CLCA1: variants seen among roughly 807,000 people sequenced by gnomAD.
CLCA1 encodes chloride channel accessory 1.
A neutral mutation model predicts 85.6 loss-of-function variants in CLCA1; 59 were observed. The observed-to-expected ratio is 0.69, with a 90% CI of 0.56 to 0.86. CLCA1 has a LOEUF of 0.86. CLCA1 is among the 40% of genes least tolerant of loss of function. The pLI, the probability that CLCA1 is intolerant of heterozygous loss-of-function variation, is 0.00. For synonymous variants in CLCA1, 396 were observed against 398.3 expected, an observed-to-expected ratio of 0.99 and a Z score of 0.07; for missense variants, 1,022 against 1,101.4, an observed-to-expected ratio of 0.93 and a Z score of 1.02.
rs5744410 is a variant in CLCA1 at position 86,495,563 on chromosome 1, G to A, written c.2001G>A (p.Thr667=). ...VYSRYFTTYD[T]NGRYSVKVRA... Reference sequence around the variant, plus strand: ...CAAGGTATTTCACAACTTATGACACGAATGGTAGATACAGTGTAAAAGTGC... The same window carrying A: ...CAAGGTATTTCACAACTTATGACACAAATGGTAGATACAGTGTAAAAGTGC... Residue 667 remains threonine, a synonymous_variant, in exon 12 of 14, where the codon ACG becomes ACA. Coordinates refer to ENST00000394711, the MANE Select transcript of CLCA1 (RefSeq NM_001285.4). 4 of 1,613,870 alleles carry A rather than the reference G, an allele frequency of 2.5e-6. No individual in the cohort carries two copies. The highest frequency in any genetic ancestry group is 1.3e-5 in the African/African-American group (1 of 74,914).
At chr1:86,481,821 A>C (rs1322951954) in intron 4 of CLCA1, among the ~76,000 whole-genome samples, 14 of 152,014 alleles carry the variant, frequency 9.2e-5, no homozygotes, top group Admixed American at 9.2e-4. Context: ...TAAACTAATC[A>C]GAAAACAAAC....
intron 8 of CLCA1, among the ~76,000 whole-genome samples, chr1:86,490,391 T>C (rs1262286843): frequency 6.6e-6 from 1 of 152,200 alleles, no homozygotes; most frequent in African/African-American, 2.4e-5. Flanking sequence ...ATCAACTAAC[T>C]TAGTGACACC....
chr1:86,492,853 A>G (rs1417804452), intron 9 of CLCA1, among the ~76,000 whole-genome samples: 1 of 152,236 alleles, frequency 6.6e-6, no homozygotes, highest in Non-Finnish European at 1.5e-5. Context: ...ATAGTCTAAT[A>G]AATAAGATGA....
At position 86,494,438 on chromosome 1, in the gene CLCA1, T is replaced by G; in HGVS notation, c.1932T>G (p.Asp644Glu). Residue 644 changes from aspartate (D) to glutamate (E), a missense_variant, in exon 11 of 14, where the codon GAT (aspartate) becomes GAG (glutamate). By Grantham distance (45) the Asp-to-Glu change is conservative. Transcript: ENST00000394711. ...AAACAGTTACCTTGGAACTACTGGA[T>G]AATGGAGCAGGTAATCACCCAAGAA... ...NGKTVTLELL[D>E]NGAGADATKD... 1 of 1,613,966 alleles carries G rather than the reference T, an allele frequency of 6.2e-7. No homozygotes were observed. Among genetic ancestry groups the G allele is most frequent in the Non-Finnish European group, 8.5e-7 (1 of 1,179,834 alleles).
chr1:86,495,638 G>A lies in CLCA1; in HGVS notation c.2076G>A (p.Gln692=), dbSNP rs751967572. The change falls in exon 12 of 14, where the codon CAG becomes CAA. Residue 692 remains glutamine, a synonymous_variant. Coordinates refer to ENST00000394711, the MANE Select transcript of CLCA1 (RefSeq NM_001285.4). ...NAARRRVIPQ[Q]SGALYIPGWI... ...CCAGACGGAGAGTGATACCCCAGCA[G>A]AGTGGAGCACTGTACATACCTGGCT... The A allele has an allele frequency of 1.2e-6, 2 of 1,614,164 alleles. No individual in the cohort carries two copies. Among genetic ancestry groups the A allele is most frequent in the Non-Finnish European group, 1.7e-6 (2 of 1,180,006 alleles).
chr1:86,482,343 G>C lies in CLCA1; in HGVS notation c.696G>C (p.Thr232=). 2 of 1,614,090 alleles carry C rather than the reference G, an allele frequency of 1.2e-6. No individual in the cohort carries two copies. Among genetic ancestry groups the C allele is most frequent in the Non-Finnish European group, 1.7e-6 (2 of 1,179,982 alleles). ...GCEFVLQSRQ[T]EKASIMFAQH... ...AGTTTGTTCTCCAATCCCGCCAGAC[G>C]GAGAAGGCTTCTATAATGTTTGCAC... The change falls in exon 5 of 14, where the codon ACG becomes ACC. Residue 232 remains threonine (T), a synonymous_variant. Coordinates refer to ENST00000394711, the MANE Select transcript of CLCA1 (RefSeq NM_001285.4).
rs373599069 is a variant in CLCA1, at chr1:86,485,448, G to A, written c.841G>A (p.Asp281Asn). 1.7e-5 allele frequency: 27 copies of A among 1,613,994 alleles called. No individual in the cohort carries two copies. Among genetic ancestry groups the A allele is most frequent in the Non-Finnish European group, 2.2e-5 (26 of 1,180,014 alleles). ...STWEVIRDSE[D>N]FKKTTPMTTQ... ...ATGGGAAGTGATCCGTGATTCTGAGGACTTTAAGAAAACCACTCCTATGAC... is the reference window on the plus strand; with the variant it reads ...ATGGGAAGTGATCCGTGATTCTGAGAACTTTAAGAAAACCACTCCTATGAC... The change falls in exon 6 of 14, where the codon GAC (aspartate) becomes AAC (asparagine). Residue 281 changes from aspartate to asparagine, a missense_variant. Asp to Asn is a conservative substitution (Grantham distance 23). Coordinates refer to ENST00000394711, the MANE Select transcript of CLCA1 (RefSeq NM_001285.4).
Position 86,473,513 on chromosome 1 carries a change from A to C in CLCA1, c.259A>C (p.Thr87Pro). The change falls in exon 2 of 14, where the codon ACA (threonine) becomes CCA (proline). Residue 87 changes from threonine to proline, a missense_variant. Thr to Pro is a conservative substitution (Grantham distance 38). Transcript: ENST00000394711. ...VAILIPETWK[T>P]KADYVRPKLE... Reference sequence around the variant, plus strand: ...CATTTTGATTCCTGAAACATGGAAGACAAAGGCTGACTATGTGAGACCAAA... The same window carrying C: ...CATTTTGATTCCTGAAACATGGAAGCCAAAGGCTGACTATGTGAGACCAAA... The C allele has an allele frequency of 6.2e-7, 1 of 1,612,720 alleles. No homozygotes were observed. The highest frequency in any genetic ancestry group is 8.5e-7 in the Non-Finnish European group (1 of 1,179,022).
In CLCA1 at chr1:86,488,956, C is replaced by T. The variant is rs375662560; in HGVS notation, c.1183-40C>T. On this transcript the variant is annotated intron_variant, in intron 7 of 13. Coordinates refer to ENST00000394711, the MANE Select transcript of CLCA1 (RefSeq NM_001285.4). Reference sequence around the variant, plus strand: ...AGAATTTTCATAAACACTTTGGCCACCCTAAGTCTGATAACTCGTGCCCTA... The same window carrying T: ...AGAATTTTCATAAACACTTTGGCCATCCTAAGTCTGATAACTCGTGCCCTA... The T allele has an allele frequency of 6.4e-6, 10 of 1,573,334 alleles. No homozygotes were observed. In the African/African-American group the frequency reaches 1.2e-4, roughly 19 times the overall value.
Position 86,499,980 on chromosome 1 carries a change from C to A in CLCA1, c.2680C>A (p.Pro894Thr), listed in dbSNP as rs1389987571. ...CPNIHINSTI[P>T]GIHILKIMWK... is the part of the protein sequence containing the mutation. Reference sequence around the variant, plus strand: ...TAATATTCATATCAACAGCACCATTCCTGGCATTCACATTTTAAAAATTAT... The same window carrying A: ...TAATATTCATATCAACAGCACCATTACTGGCATTCACATTTTAAAAATTAT... The change falls in exon 14 of 14, where the codon CCT becomes ACT. Residue 894 changes from proline (P) to threonine (T), a missense_variant. Transcript: ENST00000394711. The A allele has an allele frequency of 1.2e-6, 2 of 1,611,972 alleles. No homozygotes were observed. The highest frequency in any genetic ancestry group is 3.3e-5 in the Admixed American group (2 of 59,996).
At chr1:86,488,319 G>A (rs559647006) in intron 7 of CLCA1, among the ~76,000 whole-genome samples, 52 of 151,920 alleles carry the variant, frequency 3.4e-4, no homozygotes, top group African/African-American at 9.4e-4. Flanking sequence ...TTTTCCTCCC[G>A]TCCTAATCTT....
At chr1:86,481,876 C>T (rs1249724608) in intron 4 of CLCA1, among the ~76,000 whole-genome samples, 1 of 152,142 alleles carries the variant, frequency 6.6e-6, no homozygotes, top group Non-Finnish European at 1.5e-5. Context: ...TAAAAGAGGG[C>T]TCTTGACCTG....
chr1:86,479,001 C>T (rs547325664), intron 4 of CLCA1, among the ~76,000 whole-genome samples: 43 of 152,248 alleles, frequency 2.8e-4, no homozygotes, highest in African/African-American at 1.0e-3. Context: ...TAAGAATAGC[C>T]ACTATTATCA....
chr1:86,491,616 AT>A (rs1226948318), intron 9 of CLCA1, among the ~76,000 whole-genome samples: 2 of 152,232 alleles, frequency 1.3e-5, no homozygotes, highest in Non-Finnish European at 2.9e-5. Context: ...AGCAGATAAA[AT>A]GTCATATGTC....
At chr1:86,471,058 C>T (rs773238253) in intron 1 of CLCA1, among the ~76,000 whole-genome samples, 4 of 152,122 alleles carry the variant, frequency 2.6e-5, no homozygotes, top group Admixed American at 6.5e-5. Context: ...TCTCTTCCCC[C>T]GTCAAATATA....
intron 6 of CLCA1, 140 bp downstream of exon 6, chr1:86,485,701 A>T (rs1647946780): frequency 1.4e-6 from 1 of 729,804 alleles, no homozygotes; most frequent in Non-Finnish European, 2.3e-6. Flanking sequence ...AGAAATGCCC[A>T]CTTCAACTTT....
intron 11 of CLCA1, 64 bp from the exon 12 acceptor site, chr1:86,495,441 G>A: frequency 3.0e-6 from 4 of 1,316,626 alleles, no homozygotes; most frequent in Middle Eastern, 4.4e-4. Context: ...GCCTACATAT[G>A]AGTTGGAAAT....
At chr1:86,495,323 A>C (rs1445747977) in intron 11 of CLCA1, among the ~76,000 whole-genome samples, 182 bp from the exon 12 acceptor site, 2 of 152,370 alleles carry the variant, frequency 1.3e-5, no homozygotes, top group Middle Eastern at 3.4e-3. Flanking sequence ...GAATGTATAC[A>C]TAAAACCACA....
At chr1:86,470,886 C>T (rs1004567295) in intron 1 of CLCA1, among the ~76,000 whole-genome samples, 7 of 152,194 alleles carry the variant, frequency 4.6e-5, no homozygotes, top group African/African-American at 1.7e-4. Flanking sequence ...AAGCCCCTAA[C>T]TCAGCTTTTA....
Sources: gnomAD v4.1 joint callset for allele counts (sites outside exome capture counted in the v4.1 genomes callset) on GRCh38, gnomAD v4.1.1 for gene constraint, MANE v1.5 for transcripts, NCBI Gene and HGNC (gene_info 2026-07-23, HGNC 2026-07-21) for gene names.